Variants in L3MBTL4 observed in about 807,000 individuals in gnomAD.
L3MBTL4 encodes L3MBTL histone methyl-lysine binding protein 4.
Under a neutral mutation model 84.5 loss-of-function variants are expected in L3MBTL4, and 70 were observed. That is an observed-to-expected ratio of 0.83 (90% CI 0.68 to 1.01). The LOEUF (loss-of-function observed/expected upper bound fraction) is 1.01, where lower values mean the gene tolerates loss of function less well. L3MBTL4 is among the 50% of genes least tolerant of loss of function. L3MBTL4 has a pLI of 0.00. For missense variants in L3MBTL4, 715 were observed against 754.8 expected (o/e 0.95, Z 0.62); for synonymous variants, 274 against 259.8 (o/e 1.05, Z -0.52).
At chr18:6,146,925 T>C (rs2042680956) in intron 13 of L3MBTL4, among the ~76,000 whole-genome samples, 1 of 151,268 alleles carries the variant, frequency 6.6e-6, no homozygotes, top group South Asian at 2.1e-4. Flanking sequence ...GTGCAGATGA[T>C]GGGGCGCTAG....
intron 4 of L3MBTL4, among the ~76,000 whole-genome samples, chr18:6,271,745 C>T (rs1356225837): frequency 6.6e-6 from 1 of 152,088 alleles, no homozygotes; most frequent in Non-Finnish European, 1.5e-5. Flanking sequence ...GTCGGGGAGG[C>T]GCACGAGGGA....
At chr18:5,979,581 C>T (rs1390882844) in intron 16 of L3MBTL4, among the ~76,000 whole-genome samples, 1 of 152,180 alleles carries the variant, frequency 6.6e-6, no homozygotes, top group Non-Finnish European at 1.5e-5. Context: ...GATTCAGCAG[C>T]CCAGGGTGGA....
chr18:6,128,978 T>C (rs1942619776), intron 14 of L3MBTL4, among the ~76,000 whole-genome samples: 1 of 151,822 alleles, frequency 6.6e-6, no homozygotes, highest in Non-Finnish European at 1.5e-5. Flanking sequence ...TTAGGTCACA[T>C]TGTGATACAA....
At chr18:6,299,490 T>C (rs2050241393) in intron 4 of L3MBTL4, among the ~76,000 whole-genome samples, 1 of 152,214 alleles carries the variant, frequency 6.6e-6, no homozygotes, top group South Asian at 2.1e-4. Context: ...GATGCACCAC[T>C]AACCAGTTAA....
intron 13 of L3MBTL4, among the ~76,000 whole-genome samples, chr18:6,154,911 C>T (rs1185854829): frequency 3.9e-5 from 6 of 152,076 alleles, no homozygotes; most frequent in Non-Finnish European, 7.4e-5. Flanking sequence ...CAAAATAGGT[C>T]CATTGACATG....
chr18:6,185,962 T>TTTTA (rs1436713554), intron 12 of L3MBTL4, among the ~76,000 whole-genome samples: 1 of 138,340 alleles, frequency 7.2e-6, no homozygotes, highest in African/African-American at 2.9e-5. Context: ...GGCACTTTCT[T>TTTTA]TATTTTATTT....
chr18:6,358,403 C>A (rs2053538635), intron 1 of L3MBTL4, among the ~76,000 whole-genome samples: 1 of 152,136 alleles, frequency 6.6e-6, no homozygotes, highest in Admixed American at 6.5e-5. Context: ...CACTCCAGGG[C>A]TTCCTGCACC....
intron 5 of L3MBTL4, among the ~76,000 whole-genome samples, chr18:6,254,919 C>A (rs111355264): frequency 1.3e-3 from 192 of 152,268 alleles, no homozygotes; most frequent in African/African-American, 4.4e-3. Flanking sequence ...GTCTAGGCAA[C>A]CTTAGACCAG....
At chr18:6,232,332 A>G (rs961362754) in intron 10 of L3MBTL4, among the ~76,000 whole-genome samples, 9 of 151,866 alleles carry the variant, frequency 5.9e-5, no homozygotes, top group Admixed American at 2.6e-4. Flanking sequence ...CCTGAAGAAT[A>G]TTGGTCTACA....
intron 1 of L3MBTL4, among the ~76,000 whole-genome samples, chr18:6,362,957 C>T (rs2053773960): frequency 6.6e-6 from 1 of 152,248 alleles, no homozygotes; most frequent in East Asian, 1.9e-4. Context: ...GCGGAAAGCA[C>T]TCATCTACCG....
intron 16 of L3MBTL4, among the ~76,000 whole-genome samples, chr18:6,032,825 C>T (rs1270114515): frequency 6.6e-6 from 1 of 152,192 alleles, no homozygotes; most frequent in Non-Finnish European, 1.5e-5. Context: ...TTGTTACTGG[C>T]TTATTTCATC....
chr18:6,138,035 G>T (rs1325798422), intron 14 of L3MBTL4, among the ~76,000 whole-genome samples, 159 bp downstream of exon 14: 1 of 152,198 alleles, frequency 6.6e-6, no homozygotes, highest in Non-Finnish European at 1.5e-5. Context: ...GAGTTGGCAG[G>T]CAGAGGAAAA....
intron 16 of L3MBTL4, among the ~76,000 whole-genome samples, chr18:6,070,408 C>A (rs1246702959): frequency 6.6e-6 from 1 of 151,452 alleles, no homozygotes; most frequent in East Asian, 1.9e-4. Flanking sequence ...ATATTTAAAG[C>A]CTGAAAAAAA....
chr18:6,200,363 G>C (rs990427625), intron 12 of L3MBTL4, among the ~76,000 whole-genome samples: 4 of 152,220 alleles, frequency 2.6e-5, no homozygotes, highest in African/African-American at 9.6e-5. Context: ...AGGAAGCAGA[G>C]AGATTAACTT....
At chr18:6,253,783 A>C (rs988963889) in intron 5 of L3MBTL4, among the ~76,000 whole-genome samples, 1 of 152,208 alleles carries the variant, frequency 6.6e-6, no homozygotes, top group Non-Finnish European at 1.5e-5. Flanking sequence ...CTGCAAGACA[A>C]TGGAAGACTA....
chr18:6,078,795 TAATG>T (rs2057963424), intron 16 of L3MBTL4, among the ~76,000 whole-genome samples: 1 of 152,144 alleles, frequency 6.6e-6, no homozygotes, highest in African/African-American at 2.4e-5. Flanking sequence ...TTGTAATAGA[TAATG>T]AAATAATTAT....
intron 16 of L3MBTL4, among the ~76,000 whole-genome samples, chr18:5,982,836 T>C (rs947745421): frequency 1.3e-5 from 2 of 152,214 alleles, no homozygotes; most frequent in Admixed American, 6.5e-5. Context: ...TTTATGTGAA[T>C]AGGCCAAAAG....
At chr18:6,333,529 C>G (rs1190541352) in intron 1 of L3MBTL4, among the ~76,000 whole-genome samples, 1 of 150,542 alleles carries the variant, frequency 6.6e-6, no homozygotes, top group East Asian at 2.0e-4. Flanking sequence ...GAGCCAAGAT[C>G]GCGCCACTGC....
chr18:6,004,997 A>ATTTTTTTTTTTCTTTTTT (rs2054398773), intron 16 of L3MBTL4, among the ~76,000 whole-genome samples: 1 of 52,150 alleles, frequency 1.9e-5, no homozygotes, highest in Non-Finnish European at 3.5e-5. Flanking sequence ...TAAGATGATA[A>ATTTTTTTTTTTCTTTTTT]TTTTTTTTTT....
Sources: gnomAD v4.1 joint callset for allele counts (sites outside exome capture counted in the v4.1 genomes callset) on GRCh38, gnomAD v4.1.1 for gene constraint, MANE v1.5 for transcripts, NCBI Gene and HGNC (gene_info 2026-07-23, HGNC 2026-07-21) for gene names.